The following FSTL4 variants were observed in gnomAD, a reference collection of about 807,000 sequenced individuals.
FSTL4 encodes follistatin-related protein 4.
Under a neutral mutation model 78.2 loss-of-function variants are expected in FSTL4, and 28 were observed. The ratio of observed to expected loss-of-function variants is 0.36; its 90% confidence interval spans 0.27 to 0.49. The LOEUF is 0.49. FSTL4 is among the 20% of genes least tolerant of loss of function. The pLI is 0.98. For synonymous variants in FSTL4, 422 were observed against 440.5 expected, an observed-to-expected ratio of 0.96 and a Z score of 0.53; for missense variants, 922 against 1,084.9, an observed-to-expected ratio of 0.85 and a Z score of 2.11.
chr5:133,516,905 G>A (rs1425969403), intron 3 of FSTL4, among the ~76,000 whole-genome samples: 1 of 152,156 alleles, frequency 6.6e-6, no homozygotes, highest in Admixed American at 6.5e-5. Flanking sequence ...TAACCACATG[G>A]AAGATAATTA....
At chr5:133,607,066 C>T (rs1187609606) in intron 1 of FSTL4, among the ~76,000 whole-genome samples, 1 of 89,746 alleles carries the variant, frequency 1.1e-5, no homozygotes, top group Non-Finnish European at 2.4e-5. Flanking sequence ...AACAGGAAAA[C>T]TCTGGAAACA....
intron 3 of FSTL4, among the ~76,000 whole-genome samples, chr5:133,477,833 G>A (rs1757954471): frequency 6.6e-6 from 1 of 152,068 alleles, no homozygotes; most frequent in Non-Finnish European, 1.5e-5. Flanking sequence ...AGAGAATTCA[G>A]ACAGAAATTT....
chr5:133,758,181 T>G, the FSTL4 span, among the ~76,000 whole-genome samples: 5 of 152,302 alleles, frequency 3.3e-5, no homozygotes, highest in Admixed American at 3.3e-4. Context: ...AACCACTCAC[T>G]GAGGGATGTG....
intron 3 of FSTL4, among the ~76,000 whole-genome samples, chr5:133,472,980 C>T (rs770136580): frequency 1.3e-5 from 2 of 152,236 alleles, no homozygotes; most frequent in African/African-American, 4.8e-5. Flanking sequence ...CAAGCCATGG[C>T]AGGGGGAGCT....
At chr5:133,810,270 A>C in the FSTL4 span, among the ~76,000 whole-genome samples, 1 of 152,236 alleles carries the variant, frequency 6.6e-6, no homozygotes, top group South Asian at 2.1e-4. Context: ...CTTCCAGGCT[A>C]TCAGAATCCT....
At chr5:133,768,300 TG>T in the FSTL4 span, among the ~76,000 whole-genome samples, 1 of 152,206 alleles carries the variant, frequency 6.6e-6, no homozygotes, top group Non-Finnish European at 1.5e-5. Flanking sequence ...TATACATTTC[TG>T]GATAATCTGA....
At chr5:133,683,889 C>T in the FSTL4 span, among the ~76,000 whole-genome samples, 12 of 152,148 alleles carry the variant, frequency 7.9e-5, no homozygotes, top group East Asian at 5.8e-4. Context: ...AAGGTGGGTG[C>T]GGGCACAAGG....
At position 133,596,789 on chromosome 5, in the gene FSTL4, T is replaced by C. The variant is rs73283826; in HGVS notation, c.126+7069A>G. Among the ~76,000 whole-genome samples, 313 of 152,334 alleles carry C rather than the reference T, an allele frequency of 2.1e-3. 2 individuals are homozygous for C. The highest frequency in any genetic ancestry group is 7.3e-3 in the African/African-American group (302 of 41,570). Reference sequence around the variant, plus strand: ...GATCAAACTGAAACTCACCCTGTGATTGAGGGAAGACCTCAGCCCCGCAGG... The same window carrying C: ...GATCAAACTGAAACTCACCCTGTGACTGAGGGAAGACCTCAGCCCCGCAGG... On this transcript the variant is annotated intron_variant, in intron 2 of 15. Transcript: ENST00000265342.
intron 4 of FSTL4, among the ~76,000 whole-genome samples, chr5:133,397,459 C>G (rs773704393): frequency 6.6e-6 from 1 of 152,204 alleles, no homozygotes; most frequent in South Asian, 2.1e-4. Flanking sequence ...GTTGATTTCC[C>G]GTACATGCTA....
At position 133,316,562 on chromosome 5, in the gene FSTL4, C is replaced by T; in HGVS notation, c.500G>A (p.Ser167Asn). 1 of 1,614,084 alleles carries T rather than the reference C, an allele frequency of 6.2e-7. No homozygotes were observed. Among genetic ancestry groups the T allele is most frequent in the Non-Finnish European group, 8.5e-7 (1 of 1,179,932 alleles). The part of the protein sequence containing the change: ...TRLQPLQEGD[S>N]RQDPASQKRL... Reference sequence around the variant, plus strand: ...CTTCTGGGAGGCAGGGTCTTGTCTGCTGTCTCCTTCTTGGAGTGGCTGCAG... The same window carrying T: ...CTTCTGGGAGGCAGGGTCTTGTCTGTTGTCTCCTTCTTGGAGTGGCTGCAG... The change falls in exon 5 of 16, where the codon AGC becomes AAC. Residue 167 changes from serine (S) to asparagine (N), a missense_variant. By Grantham distance (46) the Ser-to-Asn change is conservative. Coordinates refer to ENST00000265342, the MANE Select transcript of FSTL4 (RefSeq NM_015082.2).
chr5:133,711,040 T>G, the FSTL4 span, among the ~76,000 whole-genome samples: 3 of 152,198 alleles, frequency 2.0e-5, no homozygotes, highest in Non-Finnish European at 4.4e-5. Flanking sequence ...CCTCATGGCC[T>G]CTCCAGATTC....
chr5:133,391,844 C>T (rs1426652279), intron 4 of FSTL4, among the ~76,000 whole-genome samples: 2 of 152,190 alleles, frequency 1.3e-5, no homozygotes, highest in Non-Finnish European at 2.9e-5. Flanking sequence ...TGGCTAACTG[C>T]CCTCCTGGCT....
chr5:133,436,839 A>G (rs1034630771), intron 3 of FSTL4, among the ~76,000 whole-genome samples: 26 of 152,180 alleles, frequency 1.7e-4, no homozygotes, highest in Admixed American at 1.2e-3. Flanking sequence ...AACAGATTCC[A>G]GGGGAGCAAG....
At chr5:133,399,353 C>G (rs1316757095) in intron 4 of FSTL4, among the ~76,000 whole-genome samples, 1 of 152,154 alleles carries the variant, frequency 6.6e-6, no homozygotes, top group Non-Finnish European at 1.5e-5. Flanking sequence ...GTCTCATGAT[C>G]TCTGAAGCAC....
the FSTL4 span, among the ~76,000 whole-genome samples, chr5:133,666,975 C>A: frequency 6.6e-5 from 10 of 152,338 alleles, no homozygotes; most frequent in Non-Finnish European, 5.9e-5. Flanking sequence ...CCCCAAATTT[C>A]TATTTCCACC....
chr5:133,721,895 G>A, the FSTL4 span, among the ~76,000 whole-genome samples: 1 of 152,062 alleles, frequency 6.6e-6, no homozygotes, highest in Non-Finnish European at 1.5e-5. Flanking sequence ...CTCTTCTCCT[G>A]TAACTCCCAT....
chr5:133,431,609 A>G (rs1021960134), intron 3 of FSTL4, among the ~76,000 whole-genome samples: 2 of 152,232 alleles, frequency 1.3e-5, no homozygotes, highest in Admixed American at 1.3e-4. Flanking sequence ...TAGCCCAGCC[A>G]GCAGCTGAAT....
chr5:133,599,799 C>T (rs1045993315), intron 2 of FSTL4, among the ~76,000 whole-genome samples: 1 of 151,882 alleles, frequency 6.6e-6, no homozygotes, highest in Non-Finnish European at 1.5e-5. Flanking sequence ...TGGCAGCACC[C>T]TAGCCCCAAA....
chr5:133,272,989 C>T (rs59244391), intron 6 of FSTL4, among the ~76,000 whole-genome samples: 1 of 152,242 alleles, frequency 6.6e-6, no homozygotes, highest in Non-Finnish European at 1.5e-5. Flanking sequence ...GGTTTGCCAT[C>T]CCCTGCAGGA....
Sources: gnomAD v4.1 joint callset for allele counts (sites outside exome capture counted in the v4.1 genomes callset) on GRCh38, gnomAD v4.1.1 for gene constraint, MANE v1.5 for transcripts, NCBI Gene and HGNC (gene_info 2026-07-23, HGNC 2026-07-21) for gene names.